OSBPL10: variants seen among roughly 807,000 people sequenced by gnomAD.
OSBPL10 encodes oxysterol-binding protein-related protein 10.
Under a neutral mutation model 81.7 loss-of-function variants are expected in OSBPL10, and 49 were observed. The ratio of observed to expected loss-of-function variants is 0.60; its 90% CI spans 0.48 to 0.76. The LOEUF is 0.76. OSBPL10 is among the 30% of genes least tolerant of loss of function. The pLI is 0.00. For missense variants in OSBPL10, 923 were observed against 987.8 expected, an observed-to-expected ratio of 0.93 and a Z score of 0.88; for synonymous variants, 419 against 383.6, an observed-to-expected ratio of 1.09 and a Z score of -1.08.
At chr3:31,795,656 G>A (rs1422036091) in intron 4 of OSBPL10, 5 of 210,216 alleles carry the variant, frequency 2.4e-5, no homozygotes, top group African/African-American at 4.7e-5. Context: ...CAACACCAAC[G>A]AGGTCACACT....
chr3:31,964,405 C>T (rs1575064375), intron 1 of OSBPL10, among the ~76,000 whole-genome samples: 1 of 152,274 alleles, frequency 6.6e-6, no homozygotes, highest in Admixed American at 6.5e-5. Flanking sequence ...GATCTGCCCG[C>T]CTCGGCCTCC....
intron 7 of OSBPL10, among the ~76,000 whole-genome samples, chr3:31,685,027 A>G (rs1191172048): frequency 6.6e-6 from 1 of 152,190 alleles, no homozygotes; most frequent in Non-Finnish European, 1.5e-5. Context: ...CTACAACCCC[A>G]AATGCCTGTA....
intron 4 of OSBPL10, among the ~76,000 whole-genome samples, chr3:31,807,601 G>A (rs1403762609): frequency 2.0e-5 from 3 of 151,604 alleles, no homozygotes; most frequent in African/African-American, 4.8e-5. Context: ...AGCGGGGCAC[G>A]GTGGCACGTG....
intron 7 of OSBPL10, among the ~76,000 whole-genome samples, chr3:31,694,361 ACT>A (rs369843395): frequency 9.2e-6 from 1 of 108,586 alleles, no homozygotes; most frequent in Non-Finnish European, 1.8e-5. Flanking sequence ...ACAGAGTAAG[ACT>A]CTGTCTCAAA....
chr3:31,717,606 C>G (rs1261658153), intron 6 of OSBPL10, among the ~76,000 whole-genome samples: 2 of 152,200 alleles, frequency 1.3e-5, no homozygotes, highest in African/African-American at 2.4e-5. Flanking sequence ...AAATCCCACT[C>G]AATACCTTTT....
At chr3:31,685,368 A>G (rs1280679710) in intron 7 of OSBPL10, among the ~76,000 whole-genome samples, 1 of 152,062 alleles carries the variant, frequency 6.6e-6, no homozygotes, top group East Asian at 1.9e-4. Flanking sequence ...ATACCCAGCT[A>G]ATTTTCTTTA....
chr3:31,855,697 C>T (rs1381952602), intron 3 of OSBPL10, among the ~76,000 whole-genome samples: 1 of 152,130 alleles, frequency 6.6e-6, no homozygotes. Context: ...CTACTCCAAG[C>T]ATTCATTCGT....
Position 31,671,084 on chromosome 3 carries a change from G to T in OSBPL10, c.1727-101C>A, listed in dbSNP as rs1373557107. ...GGGAAACCAAAGAGCCTCCTGCACA[G>T]ATGTCACATCTCCCACCTCTGCAGA... On this transcript the variant is annotated intron_variant, in intron 8 of 11. Coordinates refer to ENST00000396556, the MANE Select transcript of OSBPL10 (RefSeq NM_017784.5). The T allele has an allele frequency of 3.5e-6, 4 of 1,144,914 alleles. No homozygotes were observed. The African/African-American group carries it at 6.3e-5, about 18-fold the overall frequency. The allele number at this position is 1,144,914 out of a possible 1,614,324, so 70.9% of individuals were successfully genotyped here.
intron 2 of OSBPL10, among the ~76,000 whole-genome samples, chr3:32,002,222 C>G (rs1389222600): frequency 6.6e-6 from 1 of 152,120 alleles, no homozygotes; most frequent in Non-Finnish European, 1.5e-5. Context: ...ATTTTAGGTG[C>G]TATGATGAAT....
intron 1 of OSBPL10, among the ~76,000 whole-genome samples, chr3:31,929,288 C>G (rs564321044): frequency 6.6e-6 from 1 of 152,186 alleles, no homozygotes; most frequent in Non-Finnish European, 1.5e-5. Flanking sequence ...AAATAAGAAC[C>G]AGCATTTTTT....
At chr3:32,026,721 A>T (rs185586452) in intron 2 of OSBPL10, among the ~76,000 whole-genome samples, 1 of 152,328 alleles carries the variant, frequency 6.6e-6, no homozygotes, top group Non-Finnish European at 1.5e-5. Context: ...TTTGTTTCAA[A>T]ATAGCCCACA....
At chr3:31,986,734 G>A (rs1347965277) in intron 2 of OSBPL10, among the ~76,000 whole-genome samples, 2 of 152,046 alleles carry the variant, frequency 1.3e-5, no homozygotes, top group East Asian at 1.9e-4. Context: ...CTGAAGACCA[G>A]GTGCAGTAGC....
intron 2 of OSBPL10, among the ~76,000 whole-genome samples, chr3:32,008,724 C>T (rs894044496): frequency 6.9e-6 from 1 of 144,742 alleles, no homozygotes; most frequent in Non-Finnish European, 1.5e-5. Context: ...CACTCCACCA[C>T]ACTCCAGCCT....
intron 5 of OSBPL10, among the ~76,000 whole-genome samples, chr3:31,743,693 A>T (rs1029886488): frequency 1.3e-5 from 2 of 152,250 alleles, no homozygotes; most frequent in Non-Finnish European, 2.9e-5. Context: ...ATCAGAAGGC[A>T]AAGAGCCATC....
intron 6 of OSBPL10, among the ~76,000 whole-genome samples, chr3:31,732,309 T>C (rs1319168335): frequency 6.6e-6 from 1 of 151,880 alleles, no homozygotes; most frequent in Admixed American, 6.6e-5. Flanking sequence ...TGCTACTACA[T>C]CACTGTCCGA....
At chr3:31,691,533 G>T (rs1695550212) in intron 7 of OSBPL10, among the ~76,000 whole-genome samples, 1 of 152,132 alleles carries the variant, frequency 6.6e-6, no homozygotes. Flanking sequence ...CAACCTGGCT[G>T]CAAGACCTTG....
At chr3:31,785,207 T>C (rs993596234) in intron 4 of OSBPL10, among the ~76,000 whole-genome samples, 7 of 152,148 alleles carry the variant, frequency 4.6e-5, no homozygotes, top group African/African-American at 7.2e-5. Context: ...TTTGATGATA[T>C]CAGAAAATAG....
At chr3:32,040,734 G>T (rs1699567111) in intron 2 of OSBPL10, among the ~76,000 whole-genome samples, 1 of 152,160 alleles carries the variant, frequency 6.6e-6, no homozygotes, top group South Asian at 2.1e-4. Context: ...CTAAACAGGA[G>T]GCTGAGGTGG....
intron 3 of OSBPL10, among the ~76,000 whole-genome samples, chr3:31,867,095 T>C (rs1701198374): frequency 6.6e-6 from 1 of 152,138 alleles, no homozygotes; most frequent in Non-Finnish European, 1.5e-5. Context: ...AACCACAGTG[T>C]CTTCACACTC....
Sources: gnomAD v4.1 joint callset for allele counts (sites outside exome capture counted in the v4.1 genomes callset) on GRCh38, gnomAD v4.1.1 for gene constraint, MANE v1.5 for transcripts, NCBI Gene and HGNC (gene_info 2026-07-23, HGNC 2026-07-21) for gene names.